IMMP2L: variants seen among roughly 807,000 people sequenced by gnomAD.
IMMP2L encodes the protein inner mitochondrial membrane peptidase subunit 2.
IMMP2L carries 18 observed loss-of-function variants against 19.3 expected under a neutral mutation model. The observed-to-expected ratio is 0.93, with a 90% CI of 0.64 to 1.38. The LOEUF (loss-of-function observed/expected upper bound fraction) is 1.38. Among genes scored for constraint, IMMP2L ranks in the 40% most tolerant of loss-of-function variants. IMMP2L has a pLI of 0.00. For missense variants in IMMP2L, 233 were observed against 218.2 expected, an observed-to-expected ratio of 1.07 and a Z score of -0.43; for synonymous variants, 76 against 73.0, an observed-to-expected ratio of 1.04 and a Z score of -0.21.
At chr7:110,975,323 C>G (rs1259200456) in intron 3 of IMMP2L, among the ~76,000 whole-genome samples, 3 of 152,010 alleles carry the variant, frequency 2.0e-5, no homozygotes, top group East Asian at 3.9e-4. Flanking sequence ...TGAAATAGTT[C>G]CCAAAAATCC....
intron 5 of IMMP2L, among the ~76,000 whole-genome samples, chr7:110,740,872 C>T (rs1268340885): frequency 6.6e-6 from 1 of 151,240 alleles, no homozygotes; most frequent in Admixed American, 6.6e-5. Context: ...ACTGCACATT[C>T]TGTACATGTA....
chr7:110,788,027 G>A (rs915775615), intron 5 of IMMP2L, among the ~76,000 whole-genome samples: 3 of 151,704 alleles, frequency 2.0e-5, no homozygotes, highest in Non-Finnish European at 4.4e-5. Flanking sequence ...TGCTCCTGCC[G>A]ATATCCCCGA....
chr7:110,983,898 A>G (rs1249063193), intron 3 of IMMP2L, among the ~76,000 whole-genome samples: 3 of 151,958 alleles, frequency 2.0e-5, no homozygotes, highest in Non-Finnish European at 4.4e-5. Flanking sequence ...CTAGTTCATG[A>G]TCACCCACTA....
chr7:111,560,597 A>G (rs934715368), intron 1 of IMMP2L, among the ~76,000 whole-genome samples: 1 of 152,226 alleles, frequency 6.6e-6, no homozygotes, highest in Non-Finnish European at 1.5e-5. Context: ...CACTGTATAG[A>G]CCTGCAAACC....
In IMMP2L at chr7:111,074,681, A is replaced by G. The variant is rs572441289; in HGVS notation, c.240-111116T>C. 2.6e-5 allele frequency among the ~76,000 whole-genome samples: 4 copies of G among 152,344 alleles called. No homozygotes were observed. The East Asian group carries it at 7.7e-4, about 29-fold the overall frequency. The stretch of plus-strand genomic sequence containing the variant: ...TTCTTCCTAATGGGGCTTGATCACA[A>G]TAGAAAAGGGTGACAGAGTCTCAAT... On this transcript the variant is annotated intron_variant, in intron 3 of 5. Transcript: ENST00000405709.
At chr7:111,497,843 CAA>C (rs1843738110) in intron 2 of IMMP2L, among the ~76,000 whole-genome samples, 1 of 151,642 alleles carries the variant, frequency 6.6e-6, no homozygotes, top group African/African-American at 2.4e-5. Context: ...TATATAAAGT[CAA>C]TACTGTAATG....
At chr7:110,975,230 C>T (rs1563126616) in intron 3 of IMMP2L, among the ~76,000 whole-genome samples, 1 of 151,992 alleles carries the variant, frequency 6.6e-6, no homozygotes, top group African/African-American at 2.4e-5. Flanking sequence ...AATAAGAAGA[C>T]AAAATGTATG....
At chr7:111,013,536 G>A (rs1043907941) in intron 3 of IMMP2L, among the ~76,000 whole-genome samples, 2 of 152,032 alleles carry the variant, frequency 1.3e-5, no homozygotes, top group Non-Finnish European at 2.9e-5. Flanking sequence ...GTAAGTGGGT[G>A]AACAGGAAGC....
At position 110,883,821 on chromosome 7, in the gene IMMP2L, T is replaced by A. The variant is rs143778911; in HGVS notation, c.408+2772A>T. ...TCACAATTCACTATGCAGGAAACAG[T>A]GAAAGTATCTCAGTTGCTCTCAATT... On this transcript the variant is annotated intron_variant, in intron 5 of 5. Transcript: ENST00000405709. 7.2e-4 allele frequency among the ~76,000 whole-genome samples: 110 copies of A among 152,146 alleles called. 1 individual carries two copies. The East Asian group carries it at 0.018, about 24-fold the overall frequency.
intron 3 of IMMP2L, among the ~76,000 whole-genome samples, chr7:111,110,873 T>G (rs1799113814): frequency 6.6e-6 from 1 of 152,178 alleles, no homozygotes; most frequent in Non-Finnish European, 1.5e-5. Context: ...AGATCTTAAA[T>G]CATGTGACTG....
At chr7:110,843,493 A>G (rs1805316391) in intron 5 of IMMP2L, among the ~76,000 whole-genome samples, 1 of 152,112 alleles carries the variant, frequency 6.6e-6, no homozygotes. Context: ...AAAAATATCC[A>G]AAGGTATTTG....
At chr7:111,103,870 G>A (rs981780256) in intron 3 of IMMP2L, among the ~76,000 whole-genome samples, 3 of 151,564 alleles carry the variant, frequency 2.0e-5, no homozygotes, top group Non-Finnish European at 4.4e-5. Context: ...CAGAAAGAAC[G>A]AGAGTCCATG....
intron 5 of IMMP2L, among the ~76,000 whole-genome samples, chr7:110,837,753 G>A (rs1804645799): frequency 6.6e-6 from 1 of 152,108 alleles, no homozygotes; most frequent in African/African-American, 2.4e-5. Context: ...TTGGGAGGAA[G>A]GCAGGAAGGG....
chr7:111,346,513 C>G (rs1290458690), intron 3 of IMMP2L, among the ~76,000 whole-genome samples: 1 of 152,066 alleles, frequency 6.6e-6, no homozygotes, highest in Non-Finnish European at 1.5e-5. Flanking sequence ...TCCAAATGAT[C>G]CAGGAAAAAG....
intron 3 of IMMP2L, among the ~76,000 whole-genome samples, chr7:111,434,835 A>G (rs906119413): frequency 6.6e-6 from 1 of 151,908 alleles, no homozygotes; most frequent in Non-Finnish European, 1.5e-5. Flanking sequence ...ATTTACAAGC[A>G]TGAGCCACTG....
At chr7:111,212,184 CTCTCTT>C (rs1199234107) in intron 3 of IMMP2L, among the ~76,000 whole-genome samples, 1 of 152,270 alleles carries the variant, frequency 6.6e-6, no homozygotes, top group East Asian at 1.9e-4. Context: ...CTCTCTCTCT[CTCTCTT>C]TCTCAACTTT....
chr7:110,749,122 G>A (rs1271921301), intron 5 of IMMP2L, among the ~76,000 whole-genome samples: 1 of 152,172 alleles, frequency 6.6e-6, no homozygotes, highest in Non-Finnish European at 1.5e-5. Context: ...AGACATTTAT[G>A]CAACCAACAA....
intron 4 of IMMP2L, among the ~76,000 whole-genome samples, chr7:110,944,585 T>C (rs1472952585): frequency 6.6e-6 from 1 of 151,518 alleles, no homozygotes; most frequent in Non-Finnish European, 1.5e-5. Flanking sequence ...CTCATTCTCC[T>C]GACCCTCCAG....
intron 3 of IMMP2L, among the ~76,000 whole-genome samples, chr7:111,310,164 G>C (rs778813665): frequency 6.6e-6 from 1 of 151,594 alleles, no homozygotes; most frequent in Non-Finnish European, 1.5e-5. Flanking sequence ...GAACCCGGGA[G>C]GTGGAGGTTG....
Sources: allele counts gnomAD v4.1 joint callset (sites outside exome capture counted in the v4.1 genomes callset), GRCh38; gene constraint gnomAD v4.1.1; transcripts MANE v1.5; gene names NCBI Gene and HGNC (gene_info 2026-07-23, HGNC 2026-07-21).